EIF2AK2: variants seen among roughly 807,000 people sequenced by gnomAD.
EIF2AK2 encodes the protein eukaryotic translation initiation factor 2 alpha kinase 2, also known as interferon-induced, double-stranded RNA-activated protein kinase.
A neutral mutation model predicts 70.5 loss-of-function variants in EIF2AK2; 40 were observed. That is an observed-to-expected ratio of 0.57 (90% confidence interval 0.44 to 0.74). The LOEUF is 0.74. Ranked by LOEUF, EIF2AK2 falls within the 30% of genes least tolerant of loss-of-function variation. The pLI, the probability that EIF2AK2 is intolerant of heterozygous loss-of-function variation, is 0.00. For synonymous variants in EIF2AK2, 198 were observed against 220.9 expected (o/e 0.90, Z 0.92); for missense variants, 555 against 644.3 (o/e 0.86, Z 1.50).
intron 13 of EIF2AK2, 23 bp downstream of exon 13, chr2:37,119,936 A>C: frequency 8.0e-7 from 1 of 1,256,426 alleles, no homozygotes; most frequent in Non-Finnish European, 1.0e-6. Context: ...TATATCAATT[A>C]ATAAAGTACA....
intron 4 of EIF2AK2, among the ~76,000 whole-genome samples, chr2:37,145,742 CTTTTTTTTTTTTTTTTTTTTTTTTTTTT>C (rs56051707): frequency 2.0e-5 from 1 of 51,198 alleles, no homozygotes; most frequent in Non-Finnish European, 3.3e-5. Context: ...TTTTGCTTGT[CTTTTTTTTTTTTTTTTTTTTTTTTTTTT>C]TTTTTTTTTT....
chr2:37,136,042 G>A (rs1485220102), intron 9 of EIF2AK2, among the ~76,000 whole-genome samples: 4 of 152,088 alleles, frequency 2.6e-5, no homozygotes, highest in Non-Finnish European at 4.4e-5. Flanking sequence ...TTGTTGATGC[G>A]TCACTAACCT....
chr2:37,147,003 T>C, intron 3 of EIF2AK2, 30 bp from the exon 4 acceptor site: 1 of 1,592,244 alleles, frequency 6.3e-7, no homozygotes, highest in Non-Finnish European at 8.6e-7. Flanking sequence ...TCATAAAATA[T>C]TATACAACTC....
At chr2:37,132,901 C>T (rs79067034) in intron 10 of EIF2AK2, among the ~76,000 whole-genome samples, 5,691 of 152,266 alleles carry the variant, frequency 0.037, 150 homozygotes, top group Middle Eastern at 0.058. Context: ...GATACCTTTT[C>T]GGCATGGGTT....
chr2:37,114,188 T>C (rs1674256432), intron 14 of EIF2AK2, among the ~76,000 whole-genome samples: 1 of 152,158 alleles, frequency 6.6e-6, no homozygotes, highest in Non-Finnish European at 1.5e-5. Flanking sequence ...GAGTCCTAGC[T>C]ACTCAGGAGG....
chr2:37,140,312 C>T (rs1337499926), intron 5 of EIF2AK2, among the ~76,000 whole-genome samples: 1 of 152,170 alleles, frequency 6.6e-6, no homozygotes, highest in Non-Finnish European at 1.5e-5. Flanking sequence ...CCACACTCTC[C>T]TCCTATTAGA....
chr2:37,129,577 G>A (rs1460542933), intron 10 of EIF2AK2, among the ~76,000 whole-genome samples: 1 of 152,160 alleles, frequency 6.6e-6, no homozygotes, highest in Non-Finnish European at 1.5e-5. Flanking sequence ...TATCTGGTAA[G>A]ATTATTTCCT....
At position 37,105,426 on chromosome 2, in the gene EIF2AK2, T is replaced by G. The variant is rs1259194780; in HGVS notation, c.*1847A>C. 2.6e-5 allele frequency: 4 copies of G among 152,226 alleles called. No homozygotes were observed. The highest frequency in any genetic ancestry group is 9.7e-5 in the African/African-American group (4 of 41,440). 9.4% of individuals were successfully genotyped at this position (152,226 alleles called of 1,614,324 possible). A position where few individuals can be genotyped will look rare whatever the true frequency, so the allele number is the denominator to read the frequency against. On this transcript the variant is annotated 3_prime_UTR_variant, in exon 17 of 17. Transcript: ENST00000233057. ...AAGAGCCGGTTATTTAAAAAGAGCC[T>G]GGCACCTTCTCCCTCGCTCTCTTGC...
intron 5 of EIF2AK2, among the ~76,000 whole-genome samples, chr2:37,140,605 C>A (rs933275950): frequency 4.0e-5 from 6 of 151,612 alleles, no homozygotes; most frequent in Admixed American, 3.3e-4. Flanking sequence ...ATACTGCCCC[C>A]CCCCGCAAAC....
At chr2:37,156,399 G>C (rs184662377) in intron 1 of EIF2AK2, among the ~76,000 whole-genome samples, 2 of 152,174 alleles carry the variant, frequency 1.3e-5, no homozygotes, top group Non-Finnish European at 2.9e-5. Context: ...GAAGAGGTAG[G>C]GGGTGGAGGT....
intron 1 of EIF2AK2, among the ~76,000 whole-genome samples, chr2:37,154,344 A>C (rs1248088244): frequency 6.6e-6 from 1 of 151,934 alleles, no homozygotes; most frequent in African/African-American, 2.4e-5. Context: ...AAACAAAAAC[A>C]AAACAAACAA....
At chr2:37,151,961 G>A (rs1675758150) in intron 1 of EIF2AK2, among the ~76,000 whole-genome samples, 1 of 152,250 alleles carries the variant, frequency 6.6e-6, no homozygotes, top group South Asian at 2.1e-4. Context: ...AGCTACTCGC[G>A]AGGCTGAGGC....
intron 1 of EIF2AK2, among the ~76,000 whole-genome samples, chr2:37,154,130 C>T (rs1049880397): frequency 1.3e-5 from 2 of 152,074 alleles, no homozygotes; most frequent in Non-Finnish European, 2.9e-5. Flanking sequence ...ACTTCAAGAC[C>T]AGCCTGACCA....
chr2:37,123,559 G>C (rs1674629023), intron 11 of EIF2AK2, among the ~76,000 whole-genome samples: 1 of 152,034 alleles, frequency 6.6e-6, no homozygotes, highest in African/African-American at 2.4e-5. Flanking sequence ...TGAGCCAATG[G>C]ACCCAGCCAG....
chr2:37,132,358 G>C (rs1674972913), intron 10 of EIF2AK2, among the ~76,000 whole-genome samples: 1 of 152,174 alleles, frequency 6.6e-6, no homozygotes, highest in Non-Finnish European at 1.5e-5. Flanking sequence ...TTGGGAGGCT[G>C]AGGCGGGCGG....
chr2:37,126,849 T>C (rs1674747563), intron 10 of EIF2AK2, among the ~76,000 whole-genome samples: 1 of 151,084 alleles, frequency 6.6e-6, no homozygotes, highest in Non-Finnish European at 1.5e-5. Context: ...CCCAGCTACT[T>C]GGAAGGCTGA....
At chr2:37,136,495 A>C (rs549251508) in intron 9 of EIF2AK2, among the ~76,000 whole-genome samples, 2 of 152,302 alleles carry the variant, frequency 1.3e-5, no homozygotes, top group African/African-American at 4.8e-5. Flanking sequence ...TGTTTCTTCA[A>C]TACATCTATC....
chr2:37,126,321 A>G lies in EIF2AK2; in HGVS notation c.876T>C (p.Thr292=), dbSNP rs2307478. Residue 292 remains threonine, a synonymous_variant, in exon 11 of 17, where the codon ACT becomes ACC. Coordinates refer to ENST00000233057, the MANE Select transcript of EIF2AK2 (RefSeq NM_001135651.3). The part of the protein sequence containing the change: ...FKAKHRIDGK[T]YVIKRVKYNN... Reference sequence around the variant, plus strand: ...TATATTTAACACGTTTAATAACGTAAGTCTTTCCGTCAATTCTGTGTTTTG... The same window carrying G: ...TATATTTAACACGTTTAATAACGTAGGTCTTTCCGTCAATTCTGTGTTTTG... 2.4e-3 allele frequency: 3,864 copies of G among 1,610,644 alleles called. 84 individuals are homozygous for G. In the African/African-American group the frequency reaches 0.047, roughly 20 times the overall value.
intron 10 of EIF2AK2, among the ~76,000 whole-genome samples, chr2:37,126,904 C>T (rs932107901): frequency 7.4e-6 from 1 of 134,742 alleles, no homozygotes; most frequent in Admixed American, 8.7e-5. Context: ...TTGCAGTGAG[C>T]CAAGATCACA....
Sources: gnomAD v4.1 joint callset for allele counts (sites outside exome capture counted in the v4.1 genomes callset) on GRCh38, gnomAD v4.1.1 for gene constraint, MANE v1.5 for transcripts, NCBI Gene and HGNC (gene_info 2026-07-23, HGNC 2026-07-21) for gene names.